The following ARMC7 variants were observed in gnomAD, a reference collection of about 807,000 sequenced individuals.
The protein encoded by ARMC7 is armadillo repeat containing 7, also known as armadillo repeat-containing protein 7.
A neutral mutation model predicts 14.8 loss-of-function variants in ARMC7; 9 were observed. That is an observed-to-expected ratio of 0.61 (90% CI 0.37 to 1.06). The LOEUF (loss-of-function observed/expected upper bound fraction) is 1.06. Ranked by LOEUF, ARMC7 falls within the 50% of genes least tolerant of loss-of-function variation. The pLI, the probability that ARMC7 is intolerant of heterozygous loss-of-function variation, is 0.01. For missense variants in ARMC7, 262 were observed against 267.1 expected, an observed-to-expected ratio of 0.98 and a Z score of 0.13; for synonymous variants, 125 against 123.4, an observed-to-expected ratio of 1.01 and a Z score of -0.09.
At chr17:75,122,907 C>T (rs2074023789) in intron 2 of ARMC7, among the ~76,000 whole-genome samples, 1 of 151,948 alleles carries the variant, frequency 6.6e-6, no homozygotes, top group African/African-American at 2.4e-5. Flanking sequence ...TAGGTGCTCA[C>T]AGAAAGCTCT....
rs575470135 is a variant in ARMC7, at chr17:75,128,715, G to C, written c.274G>C (p.Glu92Gln). Residue 92 changes from glutamate to glutamine, a missense_variant, in exon 3 of 3, where the codon GAG becomes CAG. Physicochemically the swap from Glu to Gln is conservative, Grantham distance 29. Coordinates refer to ENST00000245543, the MANE Select transcript of ARMC7 (RefSeq NM_024585.4). ...CNLCPDRANK[E>Q]HILHAGGVPL... ...CCTGTGCCCAGACAGGGCCAACAAG[G>C]AGCACATCCTGCACGCAGGAGGTGT... 26 of 1,613,576 alleles carry C rather than the reference G, an allele frequency of 1.6e-5. No individual in the cohort carries two copies. In the South Asian group the frequency reaches 2.6e-4, roughly 16 times the overall value.
At chr17:75,114,637 G>A in intron 2 of ARMC7, 1 of 397,370 alleles carries the variant, frequency 2.5e-6, no homozygotes, top group African/African-American at 2.1e-5. Flanking sequence ...TCTCTGTGCA[G>A]GTATTTTAGA....
chr17:75,125,739 A>T (rs1423992215), intron 2 of ARMC7, among the ~76,000 whole-genome samples: 1 of 152,078 alleles, frequency 6.6e-6, no homozygotes, highest in African/African-American at 2.4e-5. Context: ...GCTACTTGGG[A>T]GGCTGAGGCA....
At chr17:75,113,782 A>G (rs868788730) in intron 2 of ARMC7, among the ~76,000 whole-genome samples, 88 of 152,242 alleles carry the variant, frequency 5.8e-4, no homozygotes, top group African/African-American at 1.8e-3. Context: ...GCTCCAGCAC[A>G]TGTGTGTGCG....
At chr17:75,125,467 A>G (rs2074044767) in intron 2 of ARMC7, among the ~76,000 whole-genome samples, 2 of 152,312 alleles carry the variant, frequency 1.3e-5, no homozygotes, top group Non-Finnish European at 2.9e-5. Flanking sequence ...GGGAGAGGGA[A>G]GAACAGACAG....
intron 2 of ARMC7, among the ~76,000 whole-genome samples, chr17:75,110,892 G>A (rs2073915693): frequency 6.8e-6 from 1 of 146,958 alleles, no homozygotes; most frequent in Non-Finnish European, 1.5e-5. Flanking sequence ...GGCAAATGTT[G>A]CAGTGAGCTG....
chr17:75,126,898 T>G (rs2074055603), intron 2 of ARMC7, among the ~76,000 whole-genome samples: 1 of 151,952 alleles, frequency 6.6e-6, no homozygotes, highest in African/African-American at 2.4e-5. Context: ...CCGTCTCTAC[T>G]AAAAATACAA....
rs940378855 is a variant in ARMC7 at position 75,110,249 on chromosome 17, C to A, written c.-40C>A. The stretch of plus-strand genomic sequence containing the variant: ...CGGCTTTCCCCCTGCACCTTTCCCA[C>A]CCTCCCGCCCGTCCCTGGGGGTCCT... On this transcript the variant is annotated 5_prime_UTR_variant, in exon 1 of 3. Coordinates refer to ENST00000245543, the MANE Select transcript of ARMC7 (RefSeq NM_024585.4). The A allele has an allele frequency of 9.2e-6, 14 of 1,528,286 alleles. No individual in the cohort carries two copies. Among genetic ancestry groups the A allele is most frequent in the Non-Finnish European group, 1.2e-5 (14 of 1,138,892 alleles). The allele number at this position is 1,528,286 out of a possible 1,614,324, so 94.7% of individuals were successfully genotyped here.
chr17:75,124,688 C>G (rs2074038616), intron 2 of ARMC7, among the ~76,000 whole-genome samples: 1 of 151,862 alleles, frequency 6.6e-6, no homozygotes. Context: ...TCCAGAGGGC[C>G]CCGCCATTTC....
Position 75,110,045 on chromosome 17 carries a change from T to G in ARMC7, c.-244T>G. ...CCCAACCAGTAGACGGTTCCCTGTC[T>G]CCCGCGCCCCAATTTCGATTTTCAA... On this transcript the variant is annotated 5_prime_UTR_variant, in exon 1 of 3. Transcript: ENST00000245543. The G allele has an allele frequency of 2.0e-6, 1 of 498,346 alleles. No individual in the cohort carries two copies. Among genetic ancestry groups the G allele is most frequent in the Non-Finnish European group, 3.6e-6 (1 of 280,064 alleles). 30.9% of individuals were successfully genotyped at this position (498,346 alleles called of 1,614,324 possible). A position where few individuals can be genotyped will look rare whatever the true frequency, so the allele number is the denominator to read the frequency against.
intron 2 of ARMC7, among the ~76,000 whole-genome samples, chr17:75,119,588 A>T (rs1489831398): frequency 6.6e-6 from 1 of 150,726 alleles, no homozygotes; most frequent in African/African-American, 2.4e-5. Flanking sequence ...AGCTGGGACT[A>T]CAGGCACCCG....
chr17:75,111,164 C>T (rs980857605), intron 2 of ARMC7, among the ~76,000 whole-genome samples: 8 of 151,214 alleles, frequency 5.3e-5, no homozygotes, highest in African/African-American at 1.2e-4. Flanking sequence ...TGTAGCCGGG[C>T]GCGGTGGCAC....
chr17:75,120,409 G>A (rs2074004978), intron 2 of ARMC7, among the ~76,000 whole-genome samples: 1 of 152,036 alleles, frequency 6.6e-6, no homozygotes, highest in Admixed American at 6.6e-5. Context: ...TGTGTGTCCT[G>A]ATGTCTGGAA....
intron 2 of ARMC7, among the ~76,000 whole-genome samples, chr17:75,118,977 A>ACAGGCTGGC (rs1216808566): frequency 5.3e-5 from 8 of 152,194 alleles, no homozygotes; most frequent in Non-Finnish European, 1.0e-4. Flanking sequence ...GTGCCCTGGG[A>ACAGGCTGGC]ACCCAGCTGG....
chr17:75,122,048 A>G (rs1282447684), intron 2 of ARMC7, among the ~76,000 whole-genome samples: 2 of 152,030 alleles, frequency 1.3e-5, no homozygotes, highest in African/African-American at 2.4e-5. Flanking sequence ...AAAGAATAAC[A>G]TCTGGCCAGG....
intron 2 of ARMC7, among the ~76,000 whole-genome samples, chr17:75,125,711 C>T (rs1022399885): frequency 6.6e-6 from 1 of 152,048 alleles, no homozygotes; most frequent in African/African-American, 2.4e-5. Context: ...GGTGTGGTGG[C>T]ATGTACCTGT....
At chr17:75,111,318 C>T (rs866569987) in intron 2 of ARMC7, among the ~76,000 whole-genome samples, 10 of 150,734 alleles carry the variant, frequency 6.6e-5, no homozygotes, top group South Asian at 2.1e-4. Context: ...TGGTGGTGGG[C>T]GCCTGTAATC....
At chr17:75,115,226 G>T (rs1436680894) in intron 2 of ARMC7, among the ~76,000 whole-genome samples, 1 of 152,194 alleles carries the variant, frequency 6.6e-6, no homozygotes. Context: ...AGCTGAGTCA[G>T]ATTGCCCATG....
At chr17:75,117,367 G>A (rs555660628) in intron 2 of ARMC7, among the ~76,000 whole-genome samples, 1 of 152,270 alleles carries the variant, frequency 6.6e-6, no homozygotes, top group South Asian at 2.1e-4. Context: ...GTGAGCCACT[G>A]TGCCCAGCCA....
Sources: gnomAD v4.1 joint callset for allele counts (sites outside exome capture counted in the v4.1 genomes callset) on GRCh38, gnomAD v4.1.1 for gene constraint, MANE v1.5 for transcripts, NCBI Gene and HGNC (gene_info 2026-07-23, HGNC 2026-07-21) for gene names.